Variants in DOCK4 observed in about 807,000 individuals in gnomAD.
The protein encoded by DOCK4 is dedicator of cytokinesis 4.
In DOCK4, 97 loss-of-function variants were observed where a neutral mutation model predicts 268.1. The ratio of observed to expected loss-of-function variants is 0.36; its 90% confidence interval spans 0.31 to 0.43. The LOEUF (loss-of-function observed/expected upper bound fraction) is 0.43. Ranked by LOEUF, DOCK4 falls within the 20% of genes least tolerant of loss-of-function variation. The probability of loss-of-function intolerance (pLI) is 1.00; values close to 1 mark genes in which losing one functional copy is unlikely to be tolerated. For missense variants in DOCK4, 2,145 were observed against 2,455.7 expected, an observed-to-expected ratio of 0.87 and a Z score of 2.67; for synonymous variants, 954 against 887.2, an observed-to-expected ratio of 1.08 and a Z score of -1.34.
intron 12 of DOCK4, among the ~76,000 whole-genome samples, chr7:111,934,282 G>A: frequency 6.6e-6 from 1 of 152,038 alleles, no homozygotes. Flanking sequence ...ATCTATATAT[G>A]CTATATAATG....
chr7:111,878,322 C>T (rs549582519), intron 16 of DOCK4, among the ~76,000 whole-genome samples: 35 of 152,264 alleles, frequency 2.3e-4, no homozygotes, highest in East Asian at 5.8e-4. Context: ...AGATAAAAAA[C>T]GTAGTGATCA....
chr7:112,120,814 T>G (rs1812663936), intron 1 of DOCK4, among the ~76,000 whole-genome samples: 1 of 152,248 alleles, frequency 6.6e-6, no homozygotes, highest in East Asian at 1.9e-4. Flanking sequence ...TGTGAGCTTC[T>G]TCAACAAGTC....
rs147891062 is a variant in DOCK4 at position 112,013,907 on chromosome 7, C to A, written c.38-9776G>T. Among the ~76,000 whole-genome samples, 1,228 of 152,302 alleles carry A rather than the reference C, an allele frequency of 8.1e-3. 7 individuals are homozygous for A. Among genetic ancestry groups the A allele is most frequent in the Non-Finnish European group, 0.012 (834 of 68,024 alleles). Reference sequence around the variant, plus strand: ...TTACGTCCCTCCAACACTGATTATACTCACTCACCACCTCTACTTCTGCGG... The same window carrying A: ...TTACGTCCCTCCAACACTGATTATAATCACTCACCACCTCTACTTCTGCGG... On this transcript the variant is annotated intron_variant, in intron 1 of 52. Transcript: ENST00000428084.
chr7:111,974,142 T>C (rs1797950345), intron 8 of DOCK4, among the ~76,000 whole-genome samples: 2 of 152,064 alleles, frequency 1.3e-5, no homozygotes, highest in Non-Finnish European at 2.9e-5. Context: ...AGTCTTCAGA[T>C]CTGTGCATCC....
intron 1 of DOCK4, among the ~76,000 whole-genome samples, chr7:112,135,485 G>T (rs1814244978): frequency 6.6e-6 from 1 of 151,994 alleles, no homozygotes; most frequent in East Asian, 1.9e-4. Context: ...CCCAATTATA[G>T]TCTAACTTAT....
chr7:111,742,636 G>A (rs1795994999), intron 44 of DOCK4, among the ~76,000 whole-genome samples: 1 of 152,114 alleles, frequency 6.6e-6, no homozygotes, highest in Admixed American at 6.5e-5. Flanking sequence ...TGCCAGGGAG[G>A]ATGGAAAAAA....
chr7:112,106,026 T>A (rs1009857275), intron 1 of DOCK4, among the ~76,000 whole-genome samples: 3 of 152,118 alleles, frequency 2.0e-5, no homozygotes, highest in Admixed American at 6.6e-5. Context: ...TGGGAAGGCA[T>A]GTAAGGGGCA....
intron 30 of DOCK4, among the ~76,000 whole-genome samples, chr7:111,791,463 T>G (rs866794367): frequency 1.3e-5 from 2 of 151,888 alleles, no homozygotes; most frequent in African/African-American, 2.4e-5. Context: ...TTTTGTTTTT[T>G]TTTTGACATG....
At chr7:111,830,385 C>T in intron 26 of DOCK4, among the ~76,000 whole-genome samples, 1 of 152,104 alleles carries the variant, frequency 6.6e-6, no homozygotes, top group East Asian at 1.9e-4. Flanking sequence ...AAGATTGAGC[C>T]ACTGCACTCC....
chr7:111,826,880 A>T (rs1716481708), intron 26 of DOCK4, among the ~76,000 whole-genome samples: 2 of 152,182 alleles, frequency 1.3e-5, no homozygotes, highest in Admixed American at 6.5e-5. Flanking sequence ...GAATCTAAAA[A>T]TTTTTTAAAA....
chr7:111,729,265 T>C (rs531477801), intron 52 of DOCK4, among the ~76,000 whole-genome samples: 3 of 152,308 alleles, frequency 2.0e-5, no homozygotes, highest in African/African-American at 7.2e-5. Context: ...CATTTTCAGA[T>C]AGAGGAGAAA....
At chr7:111,780,311 T>C (rs1413956059) in intron 35 of DOCK4, among the ~76,000 whole-genome samples, 1 of 152,236 alleles carries the variant, frequency 6.6e-6, no homozygotes, top group African/African-American at 2.4e-5. Flanking sequence ...TTGTCTCCTG[T>C]AGATCTTGGC....
chr7:112,083,946 T>C (rs1459420202), intron 1 of DOCK4, among the ~76,000 whole-genome samples: 3 of 152,192 alleles, frequency 2.0e-5, no homozygotes, highest in Admixed American at 2.0e-4. Flanking sequence ...TGGAATCAGA[T>C]GTGATTCCAG....
At chr7:111,865,495 T>G (rs1423321341) in intron 22 of DOCK4, among the ~76,000 whole-genome samples, 1 of 152,240 alleles carries the variant, frequency 6.6e-6, no homozygotes, top group Non-Finnish European at 1.5e-5. Context: ...TAAGGCAGCC[T>G]AATAGTAAAG....
intron 15 of DOCK4, among the ~76,000 whole-genome samples, chr7:111,899,881 G>A (rs958440788): frequency 1.7e-4 from 26 of 152,188 alleles, no homozygotes; most frequent in East Asian, 3.9e-4. Context: ...CTGAGATTGC[G>A]CCACTGCACT....
chr7:111,867,665 T>G (rs1806084970), intron 22 of DOCK4, among the ~76,000 whole-genome samples: 1 of 152,178 alleles, frequency 6.6e-6, no homozygotes, highest in South Asian at 2.1e-4. Flanking sequence ...AGATTGGCCC[T>G]AGTGAAATTC....
intron 1 of DOCK4, among the ~76,000 whole-genome samples, chr7:112,090,447 T>A (rs1199013921): frequency 1.3e-5 from 2 of 152,176 alleles, no homozygotes; most frequent in East Asian, 3.9e-4. Flanking sequence ...ACCTCTAACA[T>A]TGCAAAAATA....
Position 111,872,440 on chromosome 7 carries a change from G to C in DOCK4, c.1842+27C>G, listed in dbSNP as rs1291990653. 4 of 1,547,780 alleles carry C rather than the reference G, an allele frequency of 2.6e-6. No homozygotes were observed. In the South Asian group the frequency reaches 4.8e-5, roughly 19 times the overall value. On this transcript the variant is annotated intron_variant, in intron 18 of 52. Transcript: ENST00000428084. ...TTCTTTATTCTATGAATCTCTGCAA[G>C]GAAAATAGTAATGAAATACTATATA...
chr7:111,788,922 G>C (rs1299880292), intron 31 of DOCK4, 175 bp from the exon 32 acceptor site: 4 of 638,792 alleles, frequency 6.3e-6, no homozygotes, highest in Non-Finnish European at 1.1e-5. Context: ...GACTAATCTA[G>C]ATAGAGTTAC....
Sources: allele counts gnomAD v4.1 joint callset (sites outside exome capture counted in the v4.1 genomes callset), GRCh38; gene constraint gnomAD v4.1.1; transcripts MANE v1.5; gene names NCBI Gene and HGNC (gene_info 2026-07-23, HGNC 2026-07-21).